Variants in ADAMTS9 observed in about 807,000 individuals in gnomAD.
ADAMTS9 encodes the protein ADAM metallopeptidase with thrombospondin type 1 motif 9.
In ADAMTS9, 107 loss-of-function variants were observed where a neutral mutation model predicts 257.1. That is an observed-to-expected ratio of 0.42 (90% CI 0.36 to 0.49). The LOEUF (loss-of-function observed/expected upper bound fraction) is 0.49. Among genes scored for constraint, ADAMTS9 ranks in the 20% least tolerant of loss-of-function variants. ADAMTS9 has a pLI of 0.03. For missense variants in ADAMTS9, 2,353 were observed against 2,469.1 expected (o/e 0.95, Z 1.00); for synonymous variants, 982 against 880.9 (o/e 1.11, Z -2.03).
intron 32 of ADAMTS9, among the ~76,000 whole-genome samples, chr3:64,545,944 G>T (rs1339490578): frequency 6.6e-6 from 1 of 152,090 alleles, no homozygotes; most frequent in African/African-American, 2.4e-5. Flanking sequence ...GAGCCAGGGG[G>T]CTGTGACAGT....
chr3:64,593,946 ATGTGTGTGTGTATGATG>A (rs2084308526), intron 28 of ADAMTS9, among the ~76,000 whole-genome samples: 1 of 107,378 alleles, frequency 9.3e-6, no homozygotes, highest in African/African-American at 6.2e-5. Context: ...ATCACTATGT[ATGTGTGTGTGTATGATG>A]TGTGTGTGTG....
intron 28 of ADAMTS9, chr3:64,592,799 T>C (rs550242078): frequency 4.4e-4 from 67 of 152,090 alleles, no homozygotes; most frequent in African/African-American, 1.5e-3. Context: ...TCAAAGTTAA[T>C]GAACTACGAC....
chr3:64,635,459 T>C (rs980106151), intron 12 of ADAMTS9, among the ~76,000 whole-genome samples: 27 of 152,232 alleles, frequency 1.8e-4, no homozygotes, highest in Non-Finnish European at 4.0e-4. Context: ...CATCTAGGGA[T>C]GTAAAATGGC....
chr3:64,538,183 C>T lies in ADAMTS9; in HGVS notation c.5613+1020G>A, dbSNP rs187923231. ...AATATATTATTATCTCATGGATATT[C>T]GTTAACCTGTCATCCTCTCTAATAG... On this transcript the variant is annotated intron_variant, in intron 37 of 39. Transcript: ENST00000498707. Among the ~76,000 whole-genome samples the T allele has an allele frequency of 3.2e-3, 486 of 152,260 alleles. 1 individual carries two copies. The highest frequency in any genetic ancestry group is 0.014 in the Middle Eastern group (4 of 294).
intron 25 of ADAMTS9, among the ~76,000 whole-genome samples, chr3:64,603,162 C>A (rs1413745597): frequency 6.6e-6 from 1 of 152,202 alleles, no homozygotes; most frequent in Non-Finnish European, 1.5e-5. Context: ...TCTTTAAGAG[C>A]AGAGCACACT....
chr3:64,533,390 T>C (rs1301086074), intron 37 of ADAMTS9, 120 bp from the exon 38 acceptor site: 9 of 745,082 alleles, frequency 1.2e-5, no homozygotes, highest in Admixed American at 2.4e-5. Flanking sequence ...TTAATTGTGA[T>C]AGCTACTAAT....
Position 64,568,504 on chromosome 3 carries a change from T to C in ADAMTS9, c.4388A>G (p.Gln1463Arg). Residue 1463 changes from glutamine (Q) to arginine (R), a missense_variant, in exon 29 of 40, where the codon CAA (glutamine) becomes CGA (arginine). This residue lies in a region of ADAMTS9 where 1,402 missense variants were observed against 1,441.4 expected (regional missense o/e 0.97). Coordinates refer to ENST00000498707, the MANE Select transcript of ADAMTS9 (RefSeq NM_182920.2). Reference sequence around the variant, plus strand: ...TTTTGCCATGCAGTAAACATTTCGTTGTTTATGCCCTCGACCACAAGAGAC... The same window carrying C: ...TTTTGCCATGCAGTAAACATTTCGTCGTTTATGCCCTCGACCACAAGAGAC... ...CSVSCGRGHK[Q>R]RNVYCMAKDG... 6.2e-7 allele frequency: 1 copy of C among 1,614,144 alleles called. No individual in the cohort carries two copies. Among genetic ancestry groups the C allele is most frequent in the Non-Finnish European group, 8.5e-7 (1 of 1,180,006 alleles).
intron 30 of ADAMTS9, among the ~76,000 whole-genome samples, chr3:64,553,653 C>T (rs1423623169): frequency 1.3e-5 from 2 of 152,024 alleles, no homozygotes; most frequent in Non-Finnish European, 2.9e-5. Context: ...GCTGGCATTT[C>T]CTGGTAGCCC....
At position 64,516,228 on chromosome 3, in the gene ADAMTS9, A is replaced by C. The variant is rs1448839535; in HGVS notation, c.*899T>G. ...GTAAACTTGGATGTCATTTTAGAGT[A>C]TCTTGGCAAAATGGTGAGAGGATCT... On this transcript the variant is annotated 3_prime_UTR_variant, in exon 40 of 40. Transcript: ENST00000498707. 1 of 152,572 alleles carries C rather than the reference A, an allele frequency of 6.6e-6. No individual in the cohort carries two copies. The highest frequency in any genetic ancestry group is 1.5e-5 in the Non-Finnish European group (1 of 68,024). The allele number at this position is 152,572 out of a possible 1,614,324, so 9.5% of individuals were successfully genotyped here.
At chr3:64,622,668 T>G in intron 16 of ADAMTS9, 82 bp from the exon 17 acceptor site, 2 of 1,486,642 alleles carry the variant, frequency 1.3e-6, no homozygotes, top group South Asian at 1.2e-5. Flanking sequence ...TCTGGATAGG[T>G]AGAGAGTCGC....
rs765356074 is a variant in ADAMTS9 at position 64,615,371 on chromosome 3, T to A, written c.3139A>T (p.Arg1047Trp). 1 of 1,614,054 alleles carries A rather than the reference T, an allele frequency of 6.2e-7. No individual in the cohort carries two copies. Among genetic ancestry groups the A allele is most frequent in the East Asian group, 2.2e-5 (1 of 44,862 alleles). Residue 1047 changes from arginine to tryptophan, a missense_variant, in exon 21 of 40, where the codon AGG becomes TGG. By Grantham distance (101) the Arg-to-Trp change is moderately radical. Around this residue, in one of 3 missense-constraint regions of ADAMTS9, gnomAD observed 1,402 missense variants for 1,441.4 expected, o/e 0.97. Transcript: ENST00000498707. ...CTHQEKVTIQ[R>W]CSEFPCPQWK... ...TGTGGACAAGGGAACTCACTGCACC[T>A]CTGAATGGTAACTTTCTCTTGATGT...
chr3:64,607,887 C>A (rs770727384), intron 22 of ADAMTS9, among the ~76,000 whole-genome samples: 2 of 152,042 alleles, frequency 1.3e-5, no homozygotes, highest in African/African-American at 2.4e-5. Context: ...AGAGACCATA[C>A]GTTAGGCTGC....
At position 64,607,050 on chromosome 3, in the gene ADAMTS9, C is replaced by G; in HGVS notation, c.3384G>C (p.Gln1128His). The change falls in exon 23 of 40, where the codon CAG becomes CAC. Residue 1128 changes from glutamine to histidine, a missense_variant. This residue lies in a region of ADAMTS9 where 1,402 missense variants were observed against 1,441.4 expected (regional missense o/e 0.97). Transcript: ENST00000498707. ...QCSVTCGQGY[Q>H]LRAVKCIIGT... ...CAATGATGCATTTCACTGCTCTTAG[C>G]TGGTATCCCTGTCCACAAGTGACAC... The G allele has an allele frequency of 6.2e-7, 1 of 1,613,810 alleles. No individual in the cohort carries two copies. The highest frequency in any genetic ancestry group is 8.5e-7 in the Non-Finnish European group (1 of 1,179,800).
intron 27 of ADAMTS9, among the ~76,000 whole-genome samples, chr3:64,594,896 C>A (rs2084335507): frequency 6.6e-6 from 1 of 152,072 alleles, no homozygotes; most frequent in African/African-American, 2.4e-5. Flanking sequence ...AAGTGATTCT[C>A]CTGTCTCAGC....
intron 29 of ADAMTS9, 91 bp from the exon 30 acceptor site, chr3:64,561,842 A>T (rs2083432273): frequency 9.1e-7 from 1 of 1,102,184 alleles, no homozygotes; most frequent in African/African-American, 1.6e-5. Context: ...AGGGGAATGC[A>T]CTCCTAATCC....
intron 29 of ADAMTS9, among the ~76,000 whole-genome samples, chr3:64,564,618 T>TG (rs148495610): frequency 0.055 from 8,372 of 151,488 alleles, 797 homozygotes; most frequent in African/African-American, 0.19. Context: ...TTTTTGTGTG[T>TG]GGGGGGGGCG....
rs1701929411 is a variant in ADAMTS9, at chr3:64,686,958, T to C, written c.126A>G (p.Leu42=). 5 of 1,613,270 alleles carry C rather than the reference T, an allele frequency of 3.1e-6. No homozygotes were observed. The Middle Eastern group carries it at 6.6e-4, about 213-fold the overall frequency. ...CGATTTCGTATTCGCTCAGGGTCTC[T>C]AATAATTTCACTGCGGAGAGAAGCA... The part of the protein sequence containing the change: ...DRLHPRQVKL[L]ETLSEYEIVS... The change falls in exon 2 of 40, where the codon TTA becomes TTG. Residue 42 remains leucine, a synonymous_variant. Coordinates refer to ENST00000498707, the MANE Select transcript of ADAMTS9 (RefSeq NM_182920.2). This position sits in a 1 kb window ranked among gnomAD's most constrained non-coding sequence, Gnocchi z 4.6.
intron 30 of ADAMTS9, among the ~76,000 whole-genome samples, chr3:64,559,205 C>T (rs80172117): frequency 0.022 from 3,363 of 152,256 alleles, 108 homozygotes; most frequent in African/African-American, 0.076. Flanking sequence ...CAGTTACTGT[C>T]GTCCTTCACG....
chr3:64,548,995 T>C (rs1417452693), intron 31 of ADAMTS9, among the ~76,000 whole-genome samples: 1 of 152,192 alleles, frequency 6.6e-6, no homozygotes, highest in Non-Finnish European at 1.5e-5. Context: ...CCTCCGCCAA[T>C]TCAGGTGGAG....
Sources: gnomAD v4.1 joint callset for allele counts (sites outside exome capture counted in the v4.1 genomes callset) on GRCh38, gnomAD v4.1.1 for gene constraint, gnomAD v4.1.1 regional missense constraint, Gnocchi (gnomAD v3.1) non-coding constraint, MANE v1.5 for transcripts, NCBI Gene and HGNC (gene_info 2026-07-23, HGNC 2026-07-21) for gene names.